Variants in NKAIN3 observed in about 807,000 individuals in gnomAD.
NKAIN3 encodes sodium/potassium-transporting ATPase subunit beta-1-interacting protein 3.
In NKAIN3, 25 loss-of-function variants were observed where a neutral mutation model predicts 30.2. The ratio of observed to expected loss-of-function variants is 0.83; its 90% CI spans 0.60 to 1.16. The LOEUF (loss-of-function observed/expected upper bound fraction) is 1.16. NKAIN3 is among the 50% of genes most tolerant of loss of function. NKAIN3 has a pLI of 0.00. For synonymous variants in NKAIN3, 91 were observed against 89.6 expected (o/e 1.02, Z -0.09); for missense variants, 225 against 254.1 (o/e 0.89, Z 0.78).
chr8:62,265,239 C>T (rs960246354), intron 1 of NKAIN3, among the ~76,000 whole-genome samples: 1 of 152,186 alleles, frequency 6.6e-6, no homozygotes, highest in African/African-American at 2.4e-5. Context: ...TTGCTTTTCT[C>T]TTCATCGTAA....
chr8:62,267,517 T>C (rs1812645943), intron 1 of NKAIN3, among the ~76,000 whole-genome samples: 1 of 152,222 alleles, frequency 6.6e-6, no homozygotes, highest in Non-Finnish European at 1.5e-5. Flanking sequence ...TATTATTTCA[T>C]GCTAATGTTC....
intron 1 of NKAIN3, among the ~76,000 whole-genome samples, chr8:62,429,496 A>G (rs998017941): frequency 3.3e-5 from 5 of 151,896 alleles, no homozygotes; most frequent in African/African-American, 1.2e-4. Flanking sequence ...TAGGTTATTG[A>G]CTTCAGTTTG....
chr8:62,579,288 T>C (rs1810216860), intron 1 of NKAIN3, among the ~76,000 whole-genome samples: 1 of 152,108 alleles, frequency 6.6e-6, no homozygotes, highest in Non-Finnish European at 1.5e-5. Flanking sequence ...TTAAGAGGTG[T>C]ACCTCTCACT....
intron 1 of NKAIN3, among the ~76,000 whole-genome samples, chr8:62,340,289 A>AT (rs1268900226): frequency 6.6e-6 from 1 of 151,774 alleles, no homozygotes; most frequent in Admixed American, 6.6e-5. Flanking sequence ...TCTTTTTATA[A>AT]TTTTTTCCTC....
chr8:62,469,448 TCTCTA>T lies in NKAIN3; in HGVS notation c.55-110083_55-110079del, dbSNP rs539055285. ...AAGTTATCTGAATATGAACGTGAGC[TCTCTA>T]CTCTACTGCCCCACTGGTTTTACTA... On this transcript the variant is annotated intron_variant, in intron 1 of 6. Coordinates refer to ENST00000623646, the MANE Select transcript of NKAIN3 (RefSeq NM_001304533.3). Among the ~76,000 whole-genome samples, 457 of 152,210 alleles carry T rather than the reference TCTCTA, an allele frequency of 3.0e-3. 3 individuals carry two copies. Among genetic ancestry groups the T allele is most frequent in the African/African-American group, 0.011 (446 of 41,550 alleles).
intron 1 of NKAIN3, among the ~76,000 whole-genome samples, chr8:62,450,656 G>A (rs554645352): frequency 1.7e-4 from 26 of 152,260 alleles, no homozygotes; most frequent in African/African-American, 5.5e-4. Context: ...ACAGCCAGTT[G>A]ACTACAAAAT....
chr8:62,572,600 A>C (rs1308239249), intron 1 of NKAIN3, among the ~76,000 whole-genome samples: 3 of 152,190 alleles, frequency 2.0e-5, no homozygotes, highest in African/African-American at 7.2e-5. Context: ...AAAAGGAAAG[A>C]GGTTTATTGG....
chr8:62,401,749 G>A (rs1461995717), intron 1 of NKAIN3, among the ~76,000 whole-genome samples: 1 of 152,172 alleles, frequency 6.6e-6, no homozygotes, highest in Non-Finnish European at 1.5e-5. Flanking sequence ...ATCAGGCAGA[G>A]ACTCTTGTTC....
intron 4 of NKAIN3, among the ~76,000 whole-genome samples, chr8:62,848,758 G>C (rs928784040): frequency 1.3e-5 from 2 of 152,156 alleles, no homozygotes; most frequent in African/African-American, 4.8e-5. Flanking sequence ...TTTTCAAGGG[G>C]AATGCTTCCA....
chr8:62,606,576 T>C (rs930343761), intron 3 of NKAIN3, among the ~76,000 whole-genome samples: 2 of 152,104 alleles, frequency 1.3e-5, no homozygotes, highest in Admixed American at 6.6e-5. Context: ...ACACTTATTT[T>C]AGCCACAGAA....
At chr8:62,877,731 C>CAACAAAGAGAAAGA (rs1820842960) in intron 4 of NKAIN3, among the ~76,000 whole-genome samples, 1 of 152,018 alleles carries the variant, frequency 6.6e-6, no homozygotes, top group Admixed American at 6.6e-5. Flanking sequence ...TTGATAGTAT[C>CAACAAAGAGAAAGA]AACAAAGAGA....
At chr8:62,807,249 A>T (rs925601902) in intron 4 of NKAIN3, among the ~76,000 whole-genome samples, 16 of 152,208 alleles carry the variant, frequency 1.1e-4, no homozygotes, top group African/African-American at 3.6e-4. Flanking sequence ...TGTTTCAGGT[A>T]TGTTTTAATA....
chr8:62,438,386 C>T (rs1805230576), intron 1 of NKAIN3, among the ~76,000 whole-genome samples: 1 of 152,072 alleles, frequency 6.6e-6, no homozygotes, highest in South Asian at 2.1e-4. Context: ...AATAGGGTGA[C>T]ATTTGTGTTG....
chr8:62,713,096 A>G (rs1414217101), intron 3 of NKAIN3, among the ~76,000 whole-genome samples: 2 of 152,164 alleles, frequency 1.3e-5, no homozygotes, highest in Admixed American at 6.5e-5. Flanking sequence ...TGGGTCATGC[A>G]GGAGCAGTCT....
chr8:62,777,024 C>A (rs560786931), intron 4 of NKAIN3, among the ~76,000 whole-genome samples: 1 of 152,222 alleles, frequency 6.6e-6, no homozygotes, highest in African/African-American at 2.4e-5. Context: ...TATGTCATGC[C>A]GCTCTCATGC....
At position 62,414,940 on chromosome 8, in the gene NKAIN3, G is replaced by A. The variant is rs1013556037; in HGVS notation, c.55-164599G>A. ...TCACTGTGTAGGATTAAGATCATGT[G>A]TTTTGAAACTCATGTATTTTGAGTT... On this transcript the variant is annotated intron_variant, in intron 1 of 6. Transcript: ENST00000623646. 2.0e-5 allele frequency among the ~76,000 whole-genome samples: 3 copies of A among 150,418 alleles called. No individual in the cohort carries two copies. The Admixed American group carries it at 2.0e-4, about 10-fold the overall frequency.
intron 4 of NKAIN3, among the ~76,000 whole-genome samples, chr8:62,809,895 A>G (rs1034630919): frequency 6.6e-6 from 1 of 152,188 alleles, no homozygotes; most frequent in Non-Finnish European, 1.5e-5. Flanking sequence ...TCTAGAGTCA[A>G]TATTATGTAT....
At chr8:62,612,581 A>G (rs930442269) in intron 3 of NKAIN3, among the ~76,000 whole-genome samples, 46 of 151,388 alleles carry the variant, frequency 3.0e-4, no homozygotes, top group Non-Finnish European at 5.7e-4. Flanking sequence ...TCTTTTGATT[A>G]AAGAGTTTAG....
chr8:62,314,255 A>C lies in NKAIN3; in HGVS notation c.54+65128A>C, dbSNP rs1276005207. ...CTAGGCAAATTTTAGCTCTTTTAAC[A>C]TTTAAAACCACCCCAGAAAATGCTC... On this transcript the variant is annotated intron_variant, in intron 1 of 6. Coordinates refer to ENST00000623646, the MANE Select transcript of NKAIN3 (RefSeq NM_001304533.3). Among the ~76,000 whole-genome samples the C allele has an allele frequency of 2.0e-5, 3 of 152,148 alleles. No homozygotes were observed. The East Asian group carries it at 5.8e-4, about 29-fold the overall frequency.
Sources: allele counts gnomAD v4.1 joint callset (sites outside exome capture counted in the v4.1 genomes callset), GRCh38; gene constraint gnomAD v4.1.1; transcripts MANE v1.5; gene names NCBI Gene and HGNC (gene_info 2026-07-23, HGNC 2026-07-21).